The following CD36 variants were observed in gnomAD, a reference collection of about 807,000 sequenced individuals.
CD36 encodes CD36 molecule (CD36 blood group), also known as platelet glycoprotein 4.
Under a neutral mutation model 55.2 loss-of-function variants are expected in CD36, and 119 were observed. The observed-to-expected ratio is 2.15, with a 90% CI of 1.86 to 2.51. The LOEUF (loss-of-function observed/expected upper bound fraction) is 2.51. Among genes scored for constraint, CD36 ranks in the 30% most tolerant of loss-of-function variants. The probability of loss-of-function intolerance (pLI) is 0.00; values close to 1 mark genes in which losing one functional copy is unlikely to be tolerated. For synonymous variants in CD36, 186 were observed against 193.6 expected (o/e 0.96, Z 0.33); for missense variants, 819 against 555.5 (o/e 1.47, Z -4.77).
At chr7:80,665,231 T>C (rs1036608484) in intron 7 of CD36, among the ~76,000 whole-genome samples, 3 of 151,800 alleles carry the variant, frequency 2.0e-5, no homozygotes, top group Non-Finnish European at 1.5e-5. Flanking sequence ...CCTATTCACC[T>C]AAAGAATTTA....
chr7:80,612,917 A>T (rs1325311705), intron 1 of CD36, among the ~76,000 whole-genome samples: 1 of 152,170 alleles, frequency 6.6e-6, no homozygotes, highest in Non-Finnish European at 1.5e-5. Flanking sequence ...GCTTTGCTTA[A>T]ATAAAAAATC....
chr7:80,632,608 T>C (rs1794148139), intron 1 of CD36, among the ~76,000 whole-genome samples: 1 of 152,078 alleles, frequency 6.6e-6, no homozygotes, highest in Non-Finnish European at 1.5e-5. Context: ...TCATTTTATG[T>C]CATCCTTCAT....
rs3211840 is a variant in CD36, at chr7:80,651,394, G to C, written c.120+4534G>C. On this transcript the variant is annotated intron_variant, in intron 3 of 14. Transcript: ENST00000447544. ...ATGTACCTCTGACCCTAAAATAAAA[G>C]TTGGAAGAAAAAAATAAAATTTAAA... is the stretch of plus-strand genomic sequence containing the variant. Among the ~76,000 whole-genome samples the C allele has an allele frequency of 7.7e-3, 1,168 of 151,906 alleles. 14 individuals carry two copies. Among genetic ancestry groups the C allele is most frequent in the African/African-American group, 0.026 (1,084 of 41,426 alleles).
At position 80,671,970 on chromosome 7, in the gene CD36, AT is replaced by A. The variant is rs1330949119; in HGVS notation, c.1056del (p.Asp352GlufsTer9). ...SLPHFLYASPDVSEPIDGLNP... is the reference protein window; with the variant it reads ...SLPHFLYASPXVSEPIDGLNP... ...CCTCATTTTCTGTATGCAAGTCCTG[AT>A]GTTTCAGAACCTATTGATGGATTAA... On this transcript the variant is annotated frameshift_variant, in exon 11 of 15. Coordinates refer to ENST00000447544, the MANE Select transcript of CD36 (RefSeq NM_001001548.3). LOFTEE classifies it high-confidence loss of function. The A allele has an allele frequency of 1.9e-6, 3 of 1,610,222 alleles. No individual in the cohort carries two copies. In the African/African-American group the frequency reaches 4.0e-5, roughly 22 times the overall value.
At chr7:80,662,786 T>G (rs1016452204) in intron 5 of CD36, among the ~76,000 whole-genome samples, 11 of 152,172 alleles carry the variant, frequency 7.2e-5, no homozygotes, top group African/African-American at 2.4e-4. Flanking sequence ...GAATGTCGTC[T>G]TCTTGTGGCT....
intron 1 of CD36, among the ~76,000 whole-genome samples, chr7:80,640,363 T>C (rs1794723139): frequency 6.6e-6 from 1 of 152,104 alleles, no homozygotes; most frequent in South Asian, 2.1e-4. Flanking sequence ...AACACTTTAC[T>C]GTTATGGTTT....
chr7:80,674,427 G>A, intron 14 of CD36: 3 of 369,152 alleles, frequency 8.1e-6, no homozygotes, highest in Non-Finnish European at 1.5e-5. Context: ...AAAATTGACT[G>A]GTTCATTTCT....
chr7:80,605,522 A>T (rs946259683), intron 1 of CD36, among the ~76,000 whole-genome samples: 2 of 152,172 alleles, frequency 1.3e-5, no homozygotes, highest in Admixed American at 1.3e-4. Context: ...AGTGACAGTT[A>T]TATTTCCAGA....
Position 80,663,168 on chromosome 7 carries a change from C to G in CD36, c.608C>G (p.Pro203Arg). ...PVTTTVGLFY[P>R]YNNTADGVYK... Reference sequence around the variant, plus strand: ...ACTACCACAGTTGGTCTGTTTTATCCTGTAAGTACCAAATATGAATGGCAA... The same window carrying G: ...ACTACCACAGTTGGTCTGTTTTATCGTGTAAGTACCAAATATGAATGGCAA... The change falls in exon 6 of 15, where the codon CCT (proline) becomes CGT (arginine). Residue 203 changes from proline to arginine, a missense_variant and splice_region_variant. Transcript: ENST00000447544. 4.3e-6 allele frequency: 7 copies of G among 1,610,116 alleles called. No homozygotes were observed. Among genetic ancestry groups the G allele is most frequent in the Non-Finnish European group, 5.9e-6 (7 of 1,176,534 alleles).
chr7:80,655,953 G>C (rs907933310), intron 3 of CD36, among the ~76,000 whole-genome samples: 1 of 151,590 alleles, frequency 6.6e-6, no homozygotes, highest in Non-Finnish European at 1.5e-5. Context: ...AAAGAAAAAG[G>C]TTAGGGAAGC....
chr7:80,617,136 A>G (rs937101320), intron 1 of CD36, among the ~76,000 whole-genome samples: 4 of 152,054 alleles, frequency 2.6e-5, no homozygotes, highest in Non-Finnish European at 5.9e-5. Flanking sequence ...ATTCTGTCAT[A>G]GTAGGTCCTA....
chr7:80,603,275 C>G (rs1022391683), intron 1 of CD36, among the ~76,000 whole-genome samples: 1 of 152,120 alleles, frequency 6.6e-6, no homozygotes, highest in Non-Finnish European at 1.5e-5. Flanking sequence ...CCATGCTATT[C>G]TGCTATTCTA....
In CD36 at chr7:80,656,652, T is replaced by G; in HGVS notation, c.233T>G (p.Met78Arg). Residue 78 changes from methionine to arginine, a missense_variant, in exon 4 of 15, where the codon ATG becomes AGG. Physicochemically the swap from Met to Arg is moderately conservative, Grantham distance 91. Coordinates refer to ENST00000447544, the MANE Select transcript of CD36 (RefSeq NM_001001548.3). ...GTGCAAAATCCACAGGAAGTGATGATGAACAGCAGCAACATTCAAGTTAAG... is the reference window on the plus strand; with the variant it reads ...GTGCAAAATCCACAGGAAGTGATGAGGAACAGCAGCAACATTCAAGTTAAG... ...FDVQNPQEVM[M>R]NSSNIQVKQR... 1.2e-6 allele frequency: 2 copies of G among 1,613,860 alleles called. No individual in the cohort carries two copies. The highest frequency in any genetic ancestry group is 1.7e-6 in the Non-Finnish European group (2 of 1,179,834).
In CD36 at chr7:80,664,864, A is replaced by AC. The variant is rs1554343544; in HGVS notation, c.701+367_701+368insC. ...ATAAATGAAAAGGTAAAAAAAAAAA[A>AC]AACAACACATCAACTGATTGTGTAG... On this transcript the variant is annotated intron_variant, in intron 7 of 14. Coordinates refer to ENST00000447544, the MANE Select transcript of CD36 (RefSeq NM_001001548.3). Among the ~76,000 whole-genome samples the AC allele has an allele frequency of 1.6e-3, 236 of 150,272 alleles. 1 individual carries two copies. Among genetic ancestry groups the AC allele is most frequent in the Non-Finnish European group, 2.6e-3 (171 of 66,728 alleles).
chr7:80,625,788 T>C (rs1285539506), intron 1 of CD36, among the ~76,000 whole-genome samples: 1 of 152,190 alleles, frequency 6.6e-6, no homozygotes, highest in South Asian at 2.1e-4. Context: ...GCTAGTATTA[T>C]GTAAATGACT....
chr7:80,657,183 G>A (rs1443951201), intron 4 of CD36, among the ~76,000 whole-genome samples: 1 of 152,094 alleles, frequency 6.6e-6, no homozygotes, highest in East Asian at 1.9e-4. Flanking sequence ...CAGGGAATTG[G>A]GAAACATGCA....
upstream of CD36, among the ~76,000 whole-genome samples, chr7:80,635,584 T>A (rs1402589443): frequency 1.3e-5 from 2 of 152,088 alleles, no homozygotes; most frequent in African/African-American, 4.8e-5. Flanking sequence ...CACAATTATT[T>A]GTTAAACAAA....
Position 80,677,488 on chromosome 7 carries a change from C to T in CD36, c.*1105C>T, listed in dbSNP as rs1380432081. The T allele has an allele frequency of 2.0e-5, 3 of 152,118 alleles. No homozygotes were observed. The allele number at this position is 152,118 out of a possible 1,614,324, so 9.4% of individuals were successfully genotyped here. A position where few individuals can be genotyped will look rare whatever the true frequency, so the allele number is the denominator to read the frequency against. On this transcript the variant is annotated 3_prime_UTR_variant, in exon 15 of 15. Coordinates refer to ENST00000447544, the MANE Select transcript of CD36 (RefSeq NM_001001548.3). Reference sequence around the variant, plus strand: ...GATAGCCGCCAGAGTAAATGTTGAGCATTACTACAGAAAAGCCACAAACCA... The same window carrying T: ...GATAGCCGCCAGAGTAAATGTTGAGTATTACTACAGAAAAGCCACAAACCA...
At chr7:80,622,550 T>A (rs186860611) in intron 1 of CD36, among the ~76,000 whole-genome samples, 114 of 152,330 alleles carry the variant, frequency 7.5e-4, no homozygotes, top group African/African-American at 2.4e-3. Context: ...GTTACATTTT[T>A]AAAAATAATC....
Sources: gnomAD v4.1 joint callset for allele counts (sites outside exome capture counted in the v4.1 genomes callset) on GRCh38, gnomAD v4.1.1 for gene constraint, MANE v1.5 for transcripts, NCBI Gene and HGNC (gene_info 2026-07-23, HGNC 2026-07-21) for gene names.